KLHL29: variants seen among roughly 807,000 people sequenced by gnomAD.
KLHL29 encodes the protein kelch like family member 29, also known as kelch-like protein 29.
Under a neutral mutation model 80.4 loss-of-function variants are expected in KLHL29, and 21 were observed. The observed-to-expected ratio is 0.26, with a 90% CI of 0.19 to 0.38. KLHL29 has a LOEUF of 0.38. Among genes scored for constraint, KLHL29 ranks in the 10% least tolerant of loss-of-function variants. The probability of loss-of-function intolerance (pLI) is 1.00; values close to 1 mark genes in which losing one functional copy is unlikely to be tolerated. For synonymous variants in KLHL29, 511 were observed against 526.8 expected (o/e 0.97, Z 0.41); for missense variants, 867 against 1,223.9 (o/e 0.71, Z 4.35).
At chr2:23,634,577 G>T (rs1669559109) in intron 3 of KLHL29, among the ~76,000 whole-genome samples, 1 of 152,098 alleles carries the variant, frequency 6.6e-6, no homozygotes, top group Non-Finnish European at 1.5e-5. Context: ...GACTCCCCCA[G>T]GTTCCCCCAG....
chr2:23,640,103 T>A lies in KLHL29; in HGVS notation c.427+823T>A, dbSNP rs116977615. 1.2e-4 allele frequency among the ~76,000 whole-genome samples: 18 copies of A among 152,214 alleles called. No individual in the cohort carries two copies. The East Asian group carries it at 3.5e-3, about 29-fold the overall frequency. On this transcript the variant is annotated intron_variant, in intron 4 of 13. Coordinates refer to ENST00000486442, the MANE Select transcript of KLHL29 (RefSeq NM_052920.2). ...CCCCGAGATGCCCCAGCAGCTACGGTTACCCCTGTTCATGTCCTCACAGTT... is the reference window on the plus strand; with the variant it reads ...CCCCGAGATGCCCCAGCAGCTACGGATACCCCTGTTCATGTCCTCACAGTT...
At chr2:23,453,141 A>G (rs773340415) in intron 1 of KLHL29, among the ~76,000 whole-genome samples, 1 of 152,112 alleles carries the variant, frequency 6.6e-6, no homozygotes, top group Non-Finnish European at 1.5e-5. Context: ...AATTTTAAAA[A>G]ACGTTTCTTG....
chr2:23,524,807 A>C (rs558055851), intron 2 of KLHL29, among the ~76,000 whole-genome samples: 30 of 152,360 alleles, frequency 2.0e-4, no homozygotes, highest in African/African-American at 7.2e-4. Flanking sequence ...ACATTACAGG[A>C]AAACAAAAGC....
chr2:23,524,090 A>G (rs778554956), intron 2 of KLHL29: 5 of 470,674 alleles, frequency 1.1e-5, no homozygotes, highest in Admixed American at 2.4e-5. Flanking sequence ...TTTTCTCCCC[A>G]TGACACCTCA....
rs559588066 is a variant in KLHL29, at chr2:23,582,521, A to G, written c.285+20040A>G. Among the ~76,000 whole-genome samples the G allele has an allele frequency of 2.6e-5, 4 of 152,292 alleles. No homozygotes were observed. The East Asian group carries it at 5.8e-4, about 22-fold the overall frequency. On this transcript the variant is annotated intron_variant, in intron 3 of 13. Coordinates refer to ENST00000486442, the MANE Select transcript of KLHL29 (RefSeq NM_052920.2). ...CCGGGGGCTTGGCAGTTGCTTTCTC[A>G]GCCTCCTGAGATTGTCCTGCCCCTC...
At chr2:23,495,226 G>A (rs2103450772) in intron 2 of KLHL29, among the ~76,000 whole-genome samples, 1 of 152,222 alleles carries the variant, frequency 6.6e-6, no homozygotes, top group South Asian at 2.1e-4. Context: ...AAAGATGTGA[G>A]GGCCTGCAGG....
rs1441011087 is a variant in KLHL29, at chr2:23,695,228, C to T, written c.1543-395C>T. On this transcript the variant is annotated intron_variant, in intron 8 of 13. Transcript: ENST00000486442. The surrounding 1 kb of genome is among the most constrained non-coding windows in gnomAD (Gnocchi z 7.6). Reference sequence around the variant, plus strand: ...TGGGTCCTCCCACCTGTTCCTGAGTCCTTGTCACACTCACAGCTCTTTAAT... The same window carrying T: ...TGGGTCCTCCCACCTGTTCCTGAGTTCTTGTCACACTCACAGCTCTTTAAT... 6.6e-6 allele frequency among the ~76,000 whole-genome samples: 1 copy of T among 152,156 alleles called. No homozygotes were observed. Among genetic ancestry groups the T allele is most frequent in the Non-Finnish European group, 1.5e-5 (1 of 68,028 alleles).
intron 3 of KLHL29, among the ~76,000 whole-genome samples, chr2:23,622,142 T>C (rs972730254): frequency 2.0e-5 from 3 of 152,122 alleles, no homozygotes. Flanking sequence ...AAACTGAGGC[T>C]CAGAGACATT....
intron 5 of KLHL29, among the ~76,000 whole-genome samples, chr2:23,657,963 C>T (rs1032833735): frequency 3.9e-5 from 6 of 152,124 alleles, no homozygotes; most frequent in East Asian, 1.9e-4. Context: ...ATGGGCTTTG[C>T]GGAGCCACGG....
rs1487658078 is a variant in KLHL29 at position 23,562,723 on chromosome 2, C to G, written c.285+242C>G. ...GGAAGACAAGCAGGTGCTGAGGCCA[C>G]TCATTGTCCTATGCCATGTTGATTA... On this transcript the variant is annotated intron_variant, in intron 3 of 13. Transcript: ENST00000486442. This position sits in a 1 kb window ranked among gnomAD's most constrained non-coding sequence, Gnocchi z 4.5. Among the ~76,000 whole-genome samples, 5 of 152,220 alleles carry G rather than the reference C, an allele frequency of 3.3e-5. No homozygotes were observed. Among genetic ancestry groups the G allele is most frequent in the Admixed American group, 6.5e-5 (1 of 15,290 alleles).
At chr2:23,648,180 C>T (rs983818944) in intron 5 of KLHL29, among the ~76,000 whole-genome samples, 1 of 152,134 alleles carries the variant, frequency 6.6e-6, no homozygotes, top group Non-Finnish European at 1.5e-5. Context: ...TGCACCCAAG[C>T]ACCTCCACTA....
intron 1 of KLHL29, among the ~76,000 whole-genome samples, chr2:23,431,784 C>T (rs956694571): frequency 2.6e-5 from 4 of 151,262 alleles, no homozygotes; most frequent in Non-Finnish European, 4.4e-5. Context: ...GTCCCAGCTA[C>T]TCGGGAGGCT....
At position 23,680,097 on chromosome 2, in the gene KLHL29, G is replaced by C. The variant is rs1466845231; in HGVS notation, c.941-4302G>C. 1.3e-5 allele frequency among the ~76,000 whole-genome samples: 2 copies of C among 152,196 alleles called. No individual in the cohort carries two copies. The highest frequency in any genetic ancestry group is 4.8e-5 in the African/African-American group (2 of 41,454). On this transcript the variant is annotated intron_variant, in intron 5 of 13. Transcript: ENST00000486442. The surrounding 1 kb of genome is among the most constrained non-coding windows in gnomAD (Gnocchi z 4.1). ...ATGCAGTGTGGAGGTGGCCTGGAGG[G>C]GGACAGGCTGGAAACAGGGAGACAT...
intron 3 of KLHL29, among the ~76,000 whole-genome samples, chr2:23,567,589 G>A (rs1473746930): frequency 1.3e-5 from 2 of 152,220 alleles, no homozygotes; most frequent in Non-Finnish European, 2.9e-5. Context: ...TTCTCTGGAG[G>A]AATGCTCCCC....
At chr2:23,542,226 A>T (rs1666858777) in intron 2 of KLHL29, among the ~76,000 whole-genome samples, 1 of 152,070 alleles carries the variant, frequency 6.6e-6, no homozygotes, top group African/African-American at 2.4e-5. Flanking sequence ...CCTCTCTTCA[A>T]TTGCATCTTT....
At chr2:23,532,820 A>G (rs542487611) in intron 2 of KLHL29, among the ~76,000 whole-genome samples, 17 of 152,282 alleles carry the variant, frequency 1.1e-4, no homozygotes, top group Admixed American at 2.6e-4. Flanking sequence ...AGGCGCGTTC[A>G]GGGTAAGGGG....
intron 1 of KLHL29, among the ~76,000 whole-genome samples, chr2:23,465,535 C>T (rs76013013): frequency 0.056 from 8,470 of 152,302 alleles, 266 homozygotes; most frequent in South Asian, 0.066. Flanking sequence ...GCACGACTCT[C>T]AGAGGGTTCC....
intron 6 of KLHL29, among the ~76,000 whole-genome samples, chr2:23,687,664 A>G (rs888982872): frequency 1.3e-5 from 2 of 152,146 alleles, no homozygotes; most frequent in African/African-American, 2.4e-5. Context: ...GGTCATTCAG[A>G]GAGGCTCCTT....
At chr2:23,538,483 T>C (rs1666744166) in intron 2 of KLHL29, among the ~76,000 whole-genome samples, 1 of 152,250 alleles carries the variant, frequency 6.6e-6, no homozygotes, top group Non-Finnish European at 1.5e-5. Context: ...TCATCCTTTG[T>C]CAGCTCCTTG....
Sources: allele counts gnomAD v4.1 joint callset (sites outside exome capture counted in the v4.1 genomes callset), GRCh38; gene constraint gnomAD v4.1.1; non-coding constraint Gnocchi (gnomAD v3.1); transcripts MANE v1.5; gene names NCBI Gene and HGNC (gene_info 2026-07-23, HGNC 2026-07-21).